MAPKAP1: variants seen among roughly 807,000 people sequenced by gnomAD.
MAPKAP1 encodes MAPK associated protein 1.
A neutral mutation model predicts 65.7 loss-of-function variants in MAPKAP1; 20 were observed. The ratio of observed to expected loss-of-function variants is 0.30; its 90% CI spans 0.21 to 0.44. The LOEUF is 0.44. Ranked by LOEUF, MAPKAP1 falls within the 20% of genes least tolerant of loss-of-function variation. The probability of loss-of-function intolerance (pLI) is 1.00; values close to 1 mark genes in which losing one functional copy is unlikely to be tolerated. For synonymous variants in MAPKAP1, 222 were observed against 244.3 expected, an observed-to-expected ratio of 0.91 and a Z score of 0.85; for missense variants, 423 against 648.0, an observed-to-expected ratio of 0.65 and a Z score of 3.77.
At chr9:125,462,636 C>T (rs1589213741) in intron 10 of MAPKAP1, among the ~76,000 whole-genome samples, 2 of 152,184 alleles carry the variant, frequency 1.3e-5, no homozygotes, top group African/African-American at 4.8e-5. Context: ...TGACTGACTG[C>T]TTTTACTCTT....
chr9:125,556,461 T>C (rs1304262516), intron 6 of MAPKAP1, among the ~76,000 whole-genome samples: 2 of 152,188 alleles, frequency 1.3e-5, no homozygotes, highest in Non-Finnish European at 2.9e-5. Context: ...CTAAGAACAA[T>C]ATTGCTCACC....
At chr9:125,574,339 T>C (rs1394775918) in intron 5 of MAPKAP1, among the ~76,000 whole-genome samples, 1 of 152,210 alleles carries the variant, frequency 6.6e-6, no homozygotes, top group Non-Finnish European at 1.5e-5. Context: ...CAAAAGCACT[T>C]ATGGTATTGA....
At chr9:125,452,379 G>T (rs935274294) in intron 10 of MAPKAP1, among the ~76,000 whole-genome samples, 1 of 152,066 alleles carries the variant, frequency 6.6e-6, no homozygotes, top group Non-Finnish European at 1.5e-5. Context: ...GATGACAGGC[G>T]TGAGCCACTA....
chr9:125,557,135 G>A (rs1830759044), intron 6 of MAPKAP1, among the ~76,000 whole-genome samples: 1 of 152,160 alleles, frequency 6.6e-6, no homozygotes, highest in African/African-American at 2.4e-5. Context: ...GTTACTCTCT[G>A]CCTTCCCCCT....
intron 1 of MAPKAP1, among the ~76,000 whole-genome samples, chr9:125,683,016 T>C (rs957187637): frequency 6.6e-6 from 1 of 151,198 alleles, no homozygotes; most frequent in Non-Finnish European, 1.5e-5. Flanking sequence ...TGGAATGCAA[T>C]GGTGCGATCT....
At chr9:125,489,504 T>C (rs1218658552) in intron 8 of MAPKAP1, among the ~76,000 whole-genome samples, 1 of 152,156 alleles carries the variant, frequency 6.6e-6, no homozygotes, top group Admixed American at 6.5e-5. Flanking sequence ...GGGTGGGGCC[T>C]AATAGTGACT....
chr9:125,598,420 T>C (rs1360111595), intron 4 of MAPKAP1, among the ~76,000 whole-genome samples: 4 of 152,168 alleles, frequency 2.6e-5, no homozygotes, highest in African/African-American at 9.7e-5. Flanking sequence ...ATTGACAAAA[T>C]CTCATTAATT....
chr9:125,484,540 G>A lies in MAPKAP1; in HGVS notation c.1110C>T (p.Asp370=). Residue 370 remains aspartate, a synonymous_variant, in exon 9 of 12, where the codon GAC becomes GAT. Transcript: ENST00000265960. ...DGVFEEDSQI[D]IATVQDMLSS... ...TAAGCATATCCTGTACTGTGGCTAT[G>A]TCAATTTGCGAATCCTCCTCAAAAA... 1 of 1,612,024 alleles carries A rather than the reference G, an allele frequency of 6.2e-7. No individual in the cohort carries two copies. Among genetic ancestry groups the A allele is most frequent in the Non-Finnish European group, 8.5e-7 (1 of 1,179,028 alleles).
At position 125,438,594 on chromosome 9, in the gene MAPKAP1, G is replaced by C. The variant is rs908842024; in HGVS notation, c.*293C>G. The C allele has an allele frequency of 6.4e-6, 3 of 467,200 alleles. No individual in the cohort carries two copies. Among genetic ancestry groups the C allele is most frequent in the Non-Finnish European group, 1.1e-5 (3 of 266,606 alleles). 28.9% of individuals were successfully genotyped at this position (467,200 alleles called of 1,614,324 possible). A position where few individuals can be genotyped will look rare whatever the true frequency, so the allele number is the denominator to read the frequency against. Reference sequence around the variant, plus strand: ...ACGGCTCTGTACATCCTCGGGCAGGGTGGCAGGCATTGAAGGTGGCTGGGC... The same window carrying C: ...ACGGCTCTGTACATCCTCGGGCAGGCTGGCAGGCATTGAAGGTGGCTGGGC... On this transcript the variant is annotated 3_prime_UTR_variant, in exon 12 of 12. Coordinates refer to ENST00000265960, the MANE Select transcript of MAPKAP1 (RefSeq NM_001006617.3).
chr9:125,444,448 G>T, intron 11 of MAPKAP1, 53 bp downstream of exon 11: 2 of 1,388,390 alleles, frequency 1.4e-6, no homozygotes, highest in Non-Finnish European at 2.0e-6. Context: ...CAAACAGCCT[G>T]AAGAGAAGCT....
intron 7 of MAPKAP1, among the ~76,000 whole-genome samples, chr9:125,533,100 C>T (rs1257989261): frequency 2.0e-5 from 3 of 152,198 alleles, no homozygotes; most frequent in East Asian, 1.9e-4. Context: ...TGTATGTGTA[C>T]GCATACACGC....
intron 7 of MAPKAP1, among the ~76,000 whole-genome samples, chr9:125,525,465 G>A (rs1173394444): frequency 1.3e-5 from 2 of 152,094 alleles, no homozygotes; most frequent in Admixed American, 6.6e-5. Flanking sequence ...CCTGAGGTCG[G>A]GGGTTCAAGA....
At chr9:125,519,286 G>T (rs867876056) in intron 7 of MAPKAP1, among the ~76,000 whole-genome samples, 10 of 152,126 alleles carry the variant, frequency 6.6e-5, no homozygotes. Flanking sequence ...CTGCTTAAAG[G>T]GGTTGAGCAG....
chr9:125,443,430 G>C (rs1013763278), intron 11 of MAPKAP1, among the ~76,000 whole-genome samples: 67 of 152,268 alleles, frequency 4.4e-4, no homozygotes, highest in Non-Finnish European at 7.5e-4. Flanking sequence ...TTTCCTATCT[G>C]ATCAACCTAT....
At chr9:125,627,915 T>G (rs182159857) in intron 4 of MAPKAP1, among the ~76,000 whole-genome samples, 19 of 152,310 alleles carry the variant, frequency 1.2e-4, no homozygotes, top group African/African-American at 4.6e-4. Context: ...GAAGCTTGGT[T>G]AGTTACATAC....
At chr9:125,575,730 C>T (rs762116171) in intron 5 of MAPKAP1, among the ~76,000 whole-genome samples, 28 of 151,352 alleles carry the variant, frequency 1.8e-4, no homozygotes, top group Non-Finnish European at 4.1e-4. Flanking sequence ...TTTGGAGCAA[C>T]AACTCTCATT....
chr9:125,611,430 G>A (rs1487003919), intron 4 of MAPKAP1, among the ~76,000 whole-genome samples: 1 of 152,148 alleles, frequency 6.6e-6, no homozygotes, highest in Admixed American at 6.5e-5. Context: ...ATTAAGAGAT[G>A]AGAAGGATAA....
chr9:125,573,039 AAAG>A (rs1392348797), intron 5 of MAPKAP1: 1 of 148,878 alleles, frequency 6.7e-6, no homozygotes, highest in Non-Finnish European at 1.5e-5. Flanking sequence ...TGAAGAAGTT[AAAG>A]AAGATGGATC....
intron 9 of MAPKAP1, among the ~76,000 whole-genome samples, chr9:125,477,453 C>T (rs1854151394): frequency 6.6e-6 from 1 of 152,122 alleles, no homozygotes. Flanking sequence ...GTTTGTGTCC[C>T]CTAAACACCA....
Sources: allele counts gnomAD v4.1 joint callset (sites outside exome capture counted in the v4.1 genomes callset), GRCh38; gene constraint gnomAD v4.1.1; transcripts MANE v1.5; gene names NCBI Gene and HGNC (gene_info 2026-07-23, HGNC 2026-07-21).